Variants in CMIP observed in about 807,000 individuals in gnomAD.
CMIP encodes the protein c-Maf inducing protein.
A neutral mutation model predicts 97.3 loss-of-function variants in CMIP; 13 were observed. The ratio of observed to expected loss-of-function variants is 0.13; its 90% CI spans 0.09 to 0.21. The LOEUF (loss-of-function observed/expected upper bound fraction) is 0.21. CMIP is among the 10% of genes least tolerant of loss of function. The pLI is 1.00. For missense variants in CMIP, 847 were observed against 1,024.9 expected (o/e 0.83, Z 2.37); for synonymous variants, 538 against 436.3 (o/e 1.23, Z -2.91).
At chr16:81,574,694 C>T (rs1340574974) in intron 1 of CMIP, among the ~76,000 whole-genome samples, 2 of 152,170 alleles carry the variant, frequency 1.3e-5, no homozygotes, top group South Asian at 2.1e-4. Flanking sequence ...GTTTGATGTC[C>T]CGGATGCTGG....
intron 1 of CMIP, among the ~76,000 whole-genome samples, chr16:81,451,924 A>G (rs1201067283): frequency 6.6e-6 from 1 of 152,198 alleles, no homozygotes; most frequent in African/African-American, 2.4e-5. Context: ...CAGTGTATTC[A>G]ACAGGCACCG....
intron 1 of CMIP, among the ~76,000 whole-genome samples, chr16:81,509,355 G>T (rs1437822603): frequency 1.3e-5 from 2 of 152,236 alleles, no homozygotes; most frequent in African/African-American, 2.4e-5. Flanking sequence ...GCCTGTGTGT[G>T]TGTCTGGGGG....
In CMIP at chr16:81,701,905, C is replaced by G; in HGVS notation, c.1896+105C>G. 1.2e-5 allele frequency: 17 copies of G among 1,392,912 alleles called. No homozygotes were observed. The South Asian group carries it at 1.7e-4, about 14-fold the overall frequency. The allele number at this position is 1,392,912 out of a possible 1,614,324, so 86.3% of individuals were successfully genotyped here. ...CTTGGACCTGAGTGGACCTCAATCT[C>G]GTTGAATTCTCCTCCAAACCCCAGA... On this transcript the variant is annotated intron_variant, in intron 16 of 20. Coordinates refer to ENST00000537098, the MANE Select transcript of CMIP (RefSeq NM_198390.3).
intron 1 of CMIP, among the ~76,000 whole-genome samples, chr16:81,564,999 G>A (rs774132087): frequency 8.6e-5 from 13 of 151,944 alleles, no homozygotes; most frequent in Non-Finnish European, 1.9e-4. Flanking sequence ...TGGAGCAGGG[G>A]TCTCCAGAGG....
At chr16:81,516,084 CG>C (rs2089908197) in intron 1 of CMIP, among the ~76,000 whole-genome samples, 8 of 152,180 alleles carry the variant, frequency 5.3e-5, no homozygotes, top group Admixed American at 2.6e-4. Flanking sequence ...CCATTGCCCC[CG>C]TTTGGGTTCT....
chr16:81,526,783 G>T (rs987440215), intron 1 of CMIP, among the ~76,000 whole-genome samples: 1 of 152,322 alleles, frequency 6.6e-6, no homozygotes. Context: ...GCCCCAGCCC[G>T]CCAGAGGAGC....
intron 1 of CMIP, among the ~76,000 whole-genome samples, chr16:81,448,466 G>A (rs965231280): frequency 2.6e-5 from 4 of 152,218 alleles, no homozygotes; most frequent in South Asian, 2.1e-4. Flanking sequence ...GGGTGACACC[G>A]GCTAGGTACA....
chr16:81,693,736 C>T (rs1567667568), intron 13 of CMIP, among the ~76,000 whole-genome samples: 1 of 152,198 alleles, frequency 6.6e-6, no homozygotes, highest in Admixed American at 6.5e-5. Context: ...GCAGCCGAGG[C>T]CTTGATTTCG....
rs1273728628 is a variant in CMIP, at chr16:81,616,919, CAG to C, written c.427-3956_427-3955del. On this transcript the variant is annotated intron_variant, in intron 2 of 20. Coordinates refer to ENST00000537098, the MANE Select transcript of CMIP (RefSeq NM_198390.3). This position sits in a 1 kb window ranked among gnomAD's most constrained non-coding sequence, Gnocchi z 4.7. The stretch of plus-strand genomic sequence containing the variant: ...GCTCCTGCAGCTCAGCAGGAAGTCA[CAG>C]GGGGCGTGGCCAGGCCAGGCAGCTG... 7 of 152,598 alleles carry C rather than the reference CAG, an allele frequency of 4.6e-5. No individual in the cohort carries two copies. Among genetic ancestry groups the C allele is most frequent in the Admixed American group, 4.6e-4 (7 of 15,298 alleles). The allele number at this position is 152,598 out of a possible 1,614,324, so 9.5% of individuals were successfully genotyped here.
chr16:81,560,621 C>T (rs1597562125), intron 1 of CMIP, among the ~76,000 whole-genome samples: 1 of 152,222 alleles, frequency 6.6e-6, no homozygotes, highest in African/African-American at 2.4e-5. Flanking sequence ...TCACTCACCG[C>T]TCACTCACTC....
chr16:81,504,783 C>T (rs1007142172), intron 1 of CMIP, among the ~76,000 whole-genome samples: 1 of 152,106 alleles, frequency 6.6e-6, no homozygotes, highest in African/African-American at 2.4e-5. Context: ...AGCTTGTTAC[C>T]AGCCTCTAGG....
intron 3 of CMIP, among the ~76,000 whole-genome samples, chr16:81,638,027 AC>A (rs200793545): frequency 1.3e-5 from 2 of 150,226 alleles, no homozygotes; most frequent in Non-Finnish European, 3.0e-5. Context: ...ACCTCCTAAC[AC>A]CCCCCCCACT....
chr16:81,497,903 C>T (rs1369064234), intron 1 of CMIP, among the ~76,000 whole-genome samples: 6 of 152,388 alleles, frequency 3.9e-5, no homozygotes, highest in Admixed American at 6.5e-5. Context: ...GGCTGCTGCT[C>T]CAGCTGTGGT....
chr16:81,691,843 A>G lies in CMIP; in HGVS notation c.1454+3A>G. 2 of 1,613,186 alleles carry G rather than the reference A, an allele frequency of 1.2e-6. No individual in the cohort carries two copies. Among genetic ancestry groups the G allele is most frequent in the African/African-American group, 1.3e-5 (1 of 75,022 alleles). ...CAACCCATTCCATTCCCCAAAGAGTAAGTCCCGTGTGCATCCCCGGAGCCC... is the reference window on the plus strand; with the variant it reads ...CAACCCATTCCATTCCCCAAAGAGTGAGTCCCGTGTGCATCCCCGGAGCCC... On this transcript the variant is annotated splice_donor_region_variant and intron_variant, in intron 11 of 20. Coordinates refer to ENST00000537098, the MANE Select transcript of CMIP (RefSeq NM_198390.3).
At chr16:81,693,370 C>T (rs1433330718) in intron 12 of CMIP, 69 bp from the exon 13 acceptor site, 3 of 1,569,708 alleles carry the variant, frequency 1.9e-6, no homozygotes, top group Non-Finnish European at 1.7e-6. Flanking sequence ...ACACCATCCC[C>T]TCCCCTTCCC....
chr16:81,521,338 C>T (rs567108440), intron 1 of CMIP, among the ~76,000 whole-genome samples: 2 of 151,384 alleles, frequency 1.3e-5, no homozygotes, highest in South Asian at 2.1e-4. Flanking sequence ...GGCAGGAAGA[C>T]AGCAGAGGTT....
At chr16:81,473,620 A>G (rs1907694933) in intron 1 of CMIP, among the ~76,000 whole-genome samples, 1 of 138,952 alleles carries the variant, frequency 7.2e-6, no homozygotes, top group South Asian at 2.3e-4. Flanking sequence ...CCATTAAGGG[A>G]TTCATGGGCT....
intron 9 of CMIP, among the ~76,000 whole-genome samples, chr16:81,673,345 G>A (rs2092699843): frequency 6.6e-6 from 1 of 151,986 alleles, no homozygotes; most frequent in Non-Finnish European, 1.5e-5. Flanking sequence ...GTGAAACCCC[G>A]TCTCTACTAA....
chr16:81,583,543 A>G (rs551683625), intron 1 of CMIP, among the ~76,000 whole-genome samples: 1 of 152,322 alleles, frequency 6.6e-6, no homozygotes, highest in South Asian at 2.1e-4. Flanking sequence ...AAACTTGTCA[A>G]TAGAGTTTCT....
Sources: gnomAD v4.1 joint callset for allele counts (sites outside exome capture counted in the v4.1 genomes callset) on GRCh38, gnomAD v4.1.1 for gene constraint, Gnocchi (gnomAD v3.1) non-coding constraint, MANE v1.5 for transcripts, NCBI Gene and HGNC (gene_info 2026-07-23, HGNC 2026-07-21) for gene names.